The following NAV2 variants were observed in gnomAD, a reference collection of about 807,000 sequenced individuals.
NAV2 encodes the protein helicase, APC down-regulated 1.
A neutral mutation model predicts 223.2 loss-of-function variants in NAV2; 54 were observed. The observed-to-expected ratio is 0.24, with a 90% CI of 0.19 to 0.30. The LOEUF is 0.30. Among genes scored for constraint, NAV2 ranks in the 10% least tolerant of loss-of-function variants. The pLI is 1.00. For synonymous variants in NAV2, 1,279 were observed against 1,239.3 expected (o/e 1.03, Z -0.67); for missense variants, 2,806 against 3,147.5 (o/e 0.89, Z 2.60).
intron 1 of NAV2, among the ~76,000 whole-genome samples, chr11:19,624,213 T>C (rs2047094633): frequency 6.6e-6 from 1 of 151,990 alleles, no homozygotes; most frequent in Non-Finnish European, 1.5e-5. Flanking sequence ...TACTCGGGGG[T>C]CAGGGGCCCA....
At chr11:19,469,131 C>A (rs1056500824) in intron 1 of NAV2, among the ~76,000 whole-genome samples, 4 of 152,182 alleles carry the variant, frequency 2.6e-5, no homozygotes, top group Non-Finnish European at 5.9e-5. Flanking sequence ...TGGAAGCAAA[C>A]CCTATTATAC....
At chr11:19,532,143 A>G (rs2044044928) in intron 1 of NAV2, among the ~76,000 whole-genome samples, 1 of 152,216 alleles carries the variant, frequency 6.6e-6, no homozygotes, top group Non-Finnish European at 1.5e-5. Flanking sequence ...GCCCATTTCG[A>G]GCCCAGTGGA....
intron 11 of NAV2, among the ~76,000 whole-genome samples, chr11:20,002,136 A>G (rs1032948875): frequency 5.3e-5 from 8 of 152,172 alleles, no homozygotes; most frequent in African/African-American, 1.4e-4. Context: ...GATCCTTTTT[A>G]TTAGGCACTA....
chr11:20,111,584 G>A (rs2062641172), intron 36 of NAV2, among the ~76,000 whole-genome samples: 4 of 152,232 alleles, frequency 2.6e-5, no homozygotes, highest in Admixed American at 2.6e-4. Context: ...TCCCTTTGGA[G>A]CTGTCATTGG....
intron 1 of NAV2, among the ~76,000 whole-genome samples, chr11:19,548,459 A>G (rs1334498257): frequency 6.6e-6 from 1 of 152,182 alleles, no homozygotes; most frequent in Non-Finnish European, 1.5e-5. Context: ...TCATTTGCCC[A>G]AGGTCTCACT....
At chr11:19,558,721 C>T (rs1234478747) in intron 1 of NAV2, among the ~76,000 whole-genome samples, 2 of 152,182 alleles carry the variant, frequency 1.3e-5, no homozygotes, top group Admixed American at 1.3e-4. Context: ...AAACCTGGGG[C>T]TTCAATCCCC....
At chr11:19,911,427 G>A (rs1328659212) in intron 6 of NAV2, among the ~76,000 whole-genome samples, 2 of 152,084 alleles carry the variant, frequency 1.3e-5, no homozygotes, top group Non-Finnish European at 2.9e-5. Context: ...GGGAAGTTGA[G>A]TGTGTATATG....
At chr11:19,952,641 C>T (rs527628335) in intron 10 of NAV2, among the ~76,000 whole-genome samples, 1 of 152,286 alleles carries the variant, frequency 6.6e-6, no homozygotes, top group Non-Finnish European at 1.5e-5. Flanking sequence ...GAAGTAAATT[C>T]TGGTTTCTAA....
At chr11:19,812,839 A>C (rs2058902366) in intron 1 of NAV2, among the ~76,000 whole-genome samples, 1 of 152,170 alleles carries the variant, frequency 6.6e-6, no homozygotes, top group African/African-American at 2.4e-5. Flanking sequence ...CACAATGAAA[A>C]AAGGCAATCT....
chr11:19,729,955 T>C (rs2051606698), intron 1 of NAV2, among the ~76,000 whole-genome samples: 1 of 152,188 alleles, frequency 6.6e-6, no homozygotes, highest in African/African-American at 2.4e-5. Flanking sequence ...ATTCCATGCT[T>C]ACATGATGTT....
In NAV2 at chr11:19,782,710, T is replaced by C. The variant is rs375690628; in HGVS notation, c.268-49774T>C. Among the ~76,000 whole-genome samples, 334 of 151,968 alleles carry C rather than the reference T, an allele frequency of 2.2e-3. 1 individual carries two copies. Among genetic ancestry groups the C allele is most frequent in the African/African-American group, 7.8e-3 (325 of 41,528 alleles). Reference sequence around the variant, plus strand: ...TGCTGTTCCCAAGGGTTGTTCTTTTTGATTCAGAGATTGTTACAGAAATGC... The same window carrying C: ...TGCTGTTCCCAAGGGTTGTTCTTTTCGATTCAGAGATTGTTACAGAAATGC... On this transcript the variant is annotated intron_variant, in intron 1 of 37. Coordinates refer to ENST00000349880, the MANE Select transcript of NAV2 (RefSeq NM_145117.5).
chr11:19,408,790 A>G lies in NAV2; in HGVS notation c.75+57763A>G, dbSNP rs141766331. On this transcript the variant is annotated intron_variant, in intron 1 of 37. Coordinates refer to the NAV2 transcript ENST00000360655. ...CAGAATTCGAGCCTGGGCCTGGCTG[A>G]TGCAAACTTTACAGCCTCTTTTTTC... Among the ~76,000 whole-genome samples the G allele has an allele frequency of 2.6e-4, 39 of 151,944 alleles. No individual in the cohort carries two copies. In the East Asian group the frequency reaches 7.6e-3, roughly 30 times the overall value.
chr11:19,691,594 GTC>G (rs2049176040), intron 1 of NAV2, among the ~76,000 whole-genome samples: 1 of 152,072 alleles, frequency 6.6e-6, no homozygotes, highest in Admixed American at 6.5e-5. Flanking sequence ...TGGAGACGGA[GTC>G]TCGCTCTGTG....
At chr11:19,698,753 G>A (rs2049419890) in intron 1 of NAV2, among the ~76,000 whole-genome samples, 1 of 152,192 alleles carries the variant, frequency 6.6e-6, no homozygotes, top group Non-Finnish European at 1.5e-5. Context: ...CAACACCTCG[G>A]TTGGCATGCC....
chr11:19,944,726 T>C (rs957160964), intron 8 of NAV2, among the ~76,000 whole-genome samples: 9 of 150,198 alleles, frequency 6.0e-5, no homozygotes, highest in Non-Finnish European at 1.0e-4. Flanking sequence ...CCTTCCTTCC[T>C]TCCTTTCTGT....
chr11:19,739,900 A>G (rs2052645380), intron 1 of NAV2, among the ~76,000 whole-genome samples: 1 of 152,250 alleles, frequency 6.6e-6, no homozygotes, highest in South Asian at 2.1e-4. Context: ...TTTTAGGCTC[A>G]GAACCCAGCT....
At chr11:20,061,479 G>A (rs1201323223) in intron 19 of NAV2, among the ~76,000 whole-genome samples, 1 of 151,030 alleles carries the variant, frequency 6.6e-6, no homozygotes, top group Non-Finnish European at 1.5e-5. Flanking sequence ...TGAAGCAGAA[G>A]AATCACTTGA....
intron 1 of NAV2, among the ~76,000 whole-genome samples, chr11:19,640,158 A>G (rs2047625241): frequency 6.6e-6 from 1 of 152,184 alleles, no homozygotes; most frequent in African/African-American, 2.4e-5. Context: ...AAGTTACCCA[A>G]ATAACAAATT....
intron 1 of NAV2, among the ~76,000 whole-genome samples, chr11:19,383,157 C>T (rs943696071): frequency 6.6e-6 from 1 of 152,206 alleles, no homozygotes. Context: ...TCTCTATTCT[C>T]TCTGTCCTGG....
Sources: gnomAD v4.1 joint callset for allele counts (sites outside exome capture counted in the v4.1 genomes callset) on GRCh38, gnomAD v4.1.1 for gene constraint, MANE v1.5 for transcripts, NCBI Gene and HGNC (gene_info 2026-07-23, HGNC 2026-07-21) for gene names.